The following TNNI3K variants were observed in gnomAD, a reference collection of about 807,000 sequenced individuals.
TNNI3K encodes TNNI3 interacting kinase.
In TNNI3K, 140 loss-of-function variants were observed where a neutral mutation model predicts 114.5. The ratio of observed to expected loss-of-function variants is 1.22; its 90% CI spans 1.07 to 1.41. The LOEUF (loss-of-function observed/expected upper bound fraction) is 1.41, where lower values mean the gene tolerates loss of function less well. Ranked by LOEUF, TNNI3K falls within the 40% of genes most tolerant of loss-of-function variation. The pLI, the probability that TNNI3K is intolerant of heterozygous loss-of-function variation, is 0.00. For missense variants in TNNI3K, 1,125 were observed against 1,007.6 expected (o/e 1.12, Z -1.58); for synonymous variants, 347 against 347.5 (o/e 1.00, Z 0.02).
chr1:74,370,930 T>G (rs1662563250), intron 17 of TNNI3K: 1 of 151,886 alleles, frequency 6.6e-6, no homozygotes. Flanking sequence ...GAAAACTTTC[T>G]CTGAGTAAAG....
At chr1:74,461,992 TTAA>T (rs1667473501) in intron 20 of TNNI3K, among the ~76,000 whole-genome samples, 1 of 152,234 alleles carries the variant, frequency 6.6e-6, no homozygotes, top group South Asian at 2.1e-4. Flanking sequence ...GATTAATGCT[TTAA>T]TATTTAGAAA....
intron 7 of TNNI3K, 24 bp from the exon 8 acceptor site, chr1:74,342,818 C>A (rs1660813817): frequency 5.6e-6 from 9 of 1,612,620 alleles, no homozygotes; most frequent in East Asian, 2.2e-5. Context: ...GATAACATAT[C>A]TTTTTCTTTC....
In TNNI3K at chr1:74,492,188, G is replaced by C. The variant is rs771486155; in HGVS notation, c.2273G>C (p.Ser758Thr). The stretch of plus-strand genomic sequence containing the variant: ...GTGAACCGGGGAGGACCTGGCCGGA[G>C]TCATGTGGCAGCATTAAGAAGTCGT... ...CLVNRGGPGRSHVAALRSRFE... is the reference protein window; with the variant it reads ...CLVNRGGPGRTHVAALRSRFE... The change falls in exon 23 of 25, where the codon AGT (serine) becomes ACT (threonine). Residue 758 changes from serine (S) to threonine (T), a missense_variant. Physicochemically the swap from Ser to Thr is moderately conservative, Grantham distance 58. Transcript: ENST00000326637. 2 of 1,613,090 alleles carry C rather than the reference G, an allele frequency of 1.2e-6. No homozygotes were observed. The highest frequency in any genetic ancestry group is 1.7e-5 in the Admixed American group (1 of 59,986).
chr1:74,330,099 G>A (rs904679002), intron 5 of TNNI3K, among the ~76,000 whole-genome samples: 5 of 152,038 alleles, frequency 3.3e-5, no homozygotes, highest in African/African-American at 9.7e-5. Context: ...AGAGAGACTC[G>A]AAGACAGGTA....
At chr1:74,543,680 C>T (rs1284564196) in intron 24 of TNNI3K, among the ~76,000 whole-genome samples, 3 of 152,212 alleles carry the variant, frequency 2.0e-5, no homozygotes, top group African/African-American at 4.8e-5. Flanking sequence ...TGCCACCTGG[C>T]CAGCTTGGGT....
intron 4 of TNNI3K, among the ~76,000 whole-genome samples, chr1:74,252,472 A>T (rs879162174): frequency 1.3e-5 from 2 of 152,254 alleles, no homozygotes; most frequent in Admixed American, 1.3e-4. Flanking sequence ...ACACAAAAAT[A>T]ATATAAAGTA....
At chr1:74,479,093 A>T (rs1281324774) in intron 21 of TNNI3K, among the ~76,000 whole-genome samples, 3 of 152,180 alleles carry the variant, frequency 2.0e-5, no homozygotes, top group African/African-American at 7.2e-5. Context: ...ATAATGATTT[A>T]TAGCACATAT....
chr1:74,368,940 T>A, intron 13 of TNNI3K, 82 bp from the exon 14 acceptor site: 1 of 1,100,244 alleles, frequency 9.1e-7, no homozygotes. Context: ...ATGTTTTTAG[T>A]TAAATATATA....
At chr1:74,542,603 T>G (rs923822172) in intron 24 of TNNI3K, among the ~76,000 whole-genome samples, 3 of 152,070 alleles carry the variant, frequency 2.0e-5, no homozygotes, top group Non-Finnish European at 1.5e-5. Context: ...CTTAAGAGAG[T>G]TTATGTGCTA....
At chr1:74,290,623 T>C (rs750896173) in intron 5 of TNNI3K, among the ~76,000 whole-genome samples, 112 of 151,848 alleles carry the variant, frequency 7.4e-4, no homozygotes, top group Non-Finnish European at 9.7e-4. Flanking sequence ...AGATTATACA[T>C]TGACATGAAA....
At chr1:74,315,205 T>C (rs1032839278) in intron 5 of TNNI3K, among the ~76,000 whole-genome samples, 3 of 152,182 alleles carry the variant, frequency 2.0e-5, no homozygotes, top group African/African-American at 7.2e-5. Context: ...CCAGCAATTT[T>C]ACAAGTAAAA....
chr1:74,378,624 A>G lies in TNNI3K; in HGVS notation c.1772+8232A>G, dbSNP rs1284038078. ...TATATATATATATATATATATATAT[A>G]TATATATATATATATATTTCATTTC... On this transcript the variant is annotated intron_variant, in intron 17 of 24. Coordinates refer to ENST00000326637, the MANE Select transcript of TNNI3K (RefSeq NM_015978.3). 408 of 80,254 alleles carry G rather than the reference A, an allele frequency of 5.1e-3. 10 individuals carry two copies. The highest frequency in any genetic ancestry group is 0.02 in the African/African-American group (385 of 18,790). The allele number at this position is 80,254 out of a possible 1,614,324, so 5.0% of individuals were successfully genotyped here. A position where few individuals can be genotyped will look rare whatever the true frequency, so the allele number is the denominator to read the frequency against.
At chr1:74,306,972 C>T (rs1489585340) in intron 5 of TNNI3K, among the ~76,000 whole-genome samples, 1 of 152,066 alleles carries the variant, frequency 6.6e-6, no homozygotes, top group Non-Finnish European at 1.5e-5. Context: ...CAGGTCTTCT[C>T]ATAGGGCTTT....
chr1:74,402,698 GT>G (rs1265375850), intron 17 of TNNI3K, among the ~76,000 whole-genome samples: 8 of 152,158 alleles, frequency 5.3e-5, no homozygotes, highest in Admixed American at 5.2e-4. Flanking sequence ...AGTTCTTGTG[GT>G]TGTAGGACTG....
chr1:74,281,729 C>A (rs1657027760), intron 5 of TNNI3K, among the ~76,000 whole-genome samples: 1 of 152,022 alleles, frequency 6.6e-6, no homozygotes, highest in Admixed American at 6.6e-5. Flanking sequence ...CCTATAAACA[C>A]ACTATATAAA....
At chr1:74,436,345 A>C in intron 18 of TNNI3K, 129 bp from the exon 19 acceptor site, 1 of 1,231,824 alleles carries the variant, frequency 8.1e-7, no homozygotes, top group Admixed American at 3.0e-5. Flanking sequence ...TCTTATCTCC[A>C]GCCAAGAGAA....
intron 5 of TNNI3K, among the ~76,000 whole-genome samples, chr1:74,308,291 A>T (rs974103605): frequency 5.3e-5 from 8 of 152,226 alleles, no homozygotes; most frequent in Admixed American, 5.2e-4. Flanking sequence ...AATTTCAAAA[A>T]ACTGAAACTA....
intron 20 of TNNI3K, among the ~76,000 whole-genome samples, chr1:74,459,768 C>A (rs1486071554): frequency 6.6e-6 from 1 of 152,210 alleles, no homozygotes; most frequent in Non-Finnish European, 1.5e-5. Flanking sequence ...CATACACAAT[C>A]TCCATTCATG....
intron 5 of TNNI3K, among the ~76,000 whole-genome samples, chr1:74,292,675 G>A (rs187545366): frequency 1.3e-5 from 2 of 151,674 alleles, no homozygotes; most frequent in Non-Finnish European, 3.0e-5. Flanking sequence ...GCATTCTGCA[G>A]TTGTTTGCTA....
Sources: allele counts gnomAD v4.1 joint callset (sites outside exome capture counted in the v4.1 genomes callset), GRCh38; gene constraint gnomAD v4.1.1; transcripts MANE v1.5; gene names NCBI Gene and HGNC (gene_info 2026-07-23, HGNC 2026-07-21).